Variants in KLF15 observed in about 807,000 individuals in gnomAD.
KLF15 encodes the protein KLF transcription factor 15, also known as Krueppel-like factor 15.
A neutral mutation model predicts 24.6 loss-of-function variants in KLF15; 4 were observed. The observed-to-expected ratio is 0.16, with a 90% CI of 0.08 to 0.37. The LOEUF (loss-of-function observed/expected upper bound fraction) is 0.37. KLF15 is among the 10% of genes least tolerant of loss of function. KLF15 has a pLI of 1.00. For synonymous variants in KLF15, 246 were observed against 236.3 expected (o/e 1.04, Z -0.37); for missense variants, 496 against 560.6 (o/e 0.88, Z 1.16).
Position 126,352,600 on chromosome 3 carries a change from C to G in KLF15, c.323G>C (p.Trp108Ser). ...ASSGPVAWGPWRRAAAPVKGE... is the reference protein window; with the variant it reads ...ASSGPVAWGPSRRAAAPVKGE... ...CTTCACAGGGGCCGCTGCCCTTCGC[C>G]AGGGCCCCCAGGCCACGGGGCCACT... Residue 108 changes from tryptophan to serine, a missense_variant, in exon 2 of 3, where the codon TGG becomes TCG. Trp to Ser is a radical substitution (Grantham distance 177). Around this residue, in one of 3 missense-constraint regions of KLF15, gnomAD observed 399 missense variants for 423.1 expected, o/e 0.94. Coordinates refer to ENST00000296233, the MANE Select transcript of KLF15 (RefSeq NM_014079.4). 6.2e-7 allele frequency: 1 copy of G among 1,610,648 alleles called. No individual in the cohort carries two copies. The highest frequency in any genetic ancestry group is 8.5e-7 in the Non-Finnish European group (1 of 1,179,162).
At chr3:126,328,901 T>C in the KLF15 span, among the ~76,000 whole-genome samples, 1 of 152,258 alleles carries the variant, frequency 6.6e-6, no homozygotes, top group African/African-American at 2.4e-5. Flanking sequence ...ATTGGGATTT[T>C]TATGTTTTAC....
downstream of KLF15, among the ~76,000 whole-genome samples, chr3:126,339,221 G>A (rs894173500): frequency 6.6e-6 from 1 of 152,196 alleles, no homozygotes; most frequent in African/African-American, 2.4e-5. Context: ...AGCCCGAGCT[G>A]TCATCATTTG....
chr3:126,319,158 C>A, the KLF15 span, among the ~76,000 whole-genome samples: 2 of 152,146 alleles, frequency 1.3e-5, no homozygotes, highest in African/African-American at 4.8e-5. Flanking sequence ...GATATTCCAT[C>A]GTCTCGATGT....
the KLF15 span, among the ~76,000 whole-genome samples, chr3:126,334,024 G>A: frequency 1.3e-5 from 2 of 152,082 alleles, no homozygotes; most frequent in East Asian, 3.9e-4. Flanking sequence ...GAGACAGAAA[G>A]TCAACAGGGA....
chr3:126,321,561 T>G, the KLF15 span, among the ~76,000 whole-genome samples: 3 of 152,196 alleles, frequency 2.0e-5, no homozygotes, highest in African/African-American at 7.2e-5. Flanking sequence ...CGCAGCCAGG[T>G]CAGTGGTCAT....
At chr3:126,316,545 G>GTAGGGGAGGGAGTACACGGGCCGGAT in the KLF15 span, among the ~76,000 whole-genome samples, 1 of 144,602 alleles carries the variant, frequency 6.9e-6, no homozygotes, top group Non-Finnish European at 1.5e-5. Context: ...ATGGGCCGGA[G>GTAGGGGAGGGAGTACACGGGCCGGAT]TGGGGAAGAG....
the KLF15 span, among the ~76,000 whole-genome samples, chr3:126,302,857 T>A: frequency 6.6e-6 from 1 of 152,154 alleles, no homozygotes; most frequent in East Asian, 1.9e-4. Flanking sequence ...TCTGGAAATC[T>A]CTGTCTTTTA....
the KLF15 span, among the ~76,000 whole-genome samples, chr3:126,329,286 C>T: frequency 7.9e-3 from 1,202 of 152,234 alleles, 32 homozygotes; most frequent in East Asian, 0.073. Flanking sequence ...TGCCTCATGT[C>T]TTCTTTGCCT....
the KLF15 span, among the ~76,000 whole-genome samples, chr3:126,304,177 TATAA>T: frequency 6.6e-6 from 1 of 151,030 alleles, no homozygotes; most frequent in Non-Finnish European, 1.5e-5. Flanking sequence ...TTTGTATTTC[TATAA>T]ATATTCTTAA....
Position 126,351,905 on chromosome 3 carries a change from C to A in KLF15, c.1018G>T (p.Ala340Ser). The stretch of plus-strand genomic sequence containing the variant: ...TCACCCGTGTGCCGGCGCAGGTGGG[C>A]CTTGAGGTGGCTGCTTTTGGTGTAC... Reference protein sequence around the residue: ...KMYTKSSHLKAHLRRHTGEKP... With the variant: ...KMYTKSSHLKSHLRRHTGEKP... Residue 340 changes from alanine to serine, a missense_variant, in exon 2 of 3, where the codon GCC becomes TCC. Transcript: ENST00000296233. The A allele has an allele frequency of 6.2e-7, 1 of 1,614,070 alleles. No individual in the cohort carries two copies. The highest frequency in any genetic ancestry group is 8.5e-7 in the Non-Finnish European group (1 of 1,179,988).
chr3:126,339,076 C>T (rs575119423), downstream of KLF15, among the ~76,000 whole-genome samples: 3 of 152,318 alleles, frequency 2.0e-5, no homozygotes, highest in South Asian at 6.2e-4. Flanking sequence ...GGGAGGCTGA[C>T]AGTGGGGGAC....
the KLF15 span, among the ~76,000 whole-genome samples, chr3:126,322,620 G>C: frequency 6.6e-6 from 1 of 152,192 alleles, no homozygotes; most frequent in African/African-American, 2.4e-5. Context: ...CCAGGTTCTG[G>C]GGATTCATAT....
In KLF15 at chr3:126,356,163, G is replaced by A. The variant is rs2082630913; in HGVS notation, c.-26+1074C>T. 6.6e-6 allele frequency among the ~76,000 whole-genome samples: 1 copy of A among 152,192 alleles called. No homozygotes were observed. The highest frequency in any genetic ancestry group is 2.4e-5 in the African/African-American group (1 of 41,446). ...GGGTCAGCGTGCAAATCACGGGGGT[G>A]GCGGCGGGGGCTGTCCTTCAAAATA... On this transcript the variant is annotated intron_variant, in intron 1 of 2. Coordinates refer to ENST00000296233, the MANE Select transcript of KLF15 (RefSeq NM_014079.4). The surrounding 1 kb of genome is among the most constrained non-coding windows in gnomAD (Gnocchi z 4.4).
the KLF15 span, among the ~76,000 whole-genome samples, chr3:126,322,058 G>C: frequency 6.6e-6 from 1 of 152,280 alleles, no homozygotes; most frequent in Admixed American, 6.5e-5. Context: ...GGAAGAACCT[G>C]TGTCCCTGGT....
the KLF15 span, among the ~76,000 whole-genome samples, chr3:126,311,184 C>T: frequency 2.0e-5 from 3 of 152,238 alleles, no homozygotes; most frequent in Non-Finnish European, 2.9e-5. Flanking sequence ...CCAGCCACCA[C>T]AGCTGCTCTG....
downstream of KLF15, among the ~76,000 whole-genome samples, chr3:126,339,017 G>A (rs1302650071): frequency 6.6e-6 from 1 of 152,206 alleles, no homozygotes; most frequent in African/African-American, 2.4e-5. Context: ...GTGTGGATAT[G>A]TCCGTGCGCC....
At chr3:126,307,275 G>A in the KLF15 span, among the ~76,000 whole-genome samples, 1 of 152,136 alleles carries the variant, frequency 6.6e-6, no homozygotes, top group Non-Finnish European at 1.5e-5. Flanking sequence ...GCTCCTCCAT[G>A]TCCAGTGTGG....
the KLF15 span, among the ~76,000 whole-genome samples, chr3:126,291,621 C>T: frequency 6.6e-6 from 1 of 152,270 alleles, no homozygotes; most frequent in Admixed American, 6.5e-5. Flanking sequence ...GGCTGCCACT[C>T]TCCCAGGTGG....
chr3:126,351,649 G>A (rs961070457), intron 2 of KLF15, among the ~76,000 whole-genome samples, 192 bp downstream of exon 2: 2 of 152,200 alleles, frequency 1.3e-5, no homozygotes, highest in African/African-American at 2.4e-5. Flanking sequence ...GTTGGCTTCC[G>A]GCTTCAGGAA....
Sources: gnomAD v4.1 joint callset for allele counts (sites outside exome capture counted in the v4.1 genomes callset) on GRCh38, gnomAD v4.1.1 for gene constraint, gnomAD v4.1.1 regional missense constraint, Gnocchi (gnomAD v3.1) non-coding constraint, MANE v1.5 for transcripts, NCBI Gene and HGNC (gene_info 2026-07-23, HGNC 2026-07-21) for gene names.